Variants in PXK observed in about 807,000 individuals in gnomAD.
PXK encodes the protein PX domain-containing protein kinase-like protein.
In PXK, 35 loss-of-function variants were observed where a neutral mutation model predicts 84.7. That is an observed-to-expected ratio of 0.41 (90% CI 0.32 to 0.55). PXK has a LOEUF of 0.55. PXK is among the 20% of genes least tolerant of loss of function. The pLI is 0.21. For synonymous variants in PXK, 253 were observed against 260.8 expected, an observed-to-expected ratio of 0.97 and a Z score of 0.29; for missense variants, 634 against 699.7, an observed-to-expected ratio of 0.91 and a Z score of 1.06.
At chr3:58,357,771 G>A (rs2098116565) in intron 1 of PXK, among the ~76,000 whole-genome samples, 1 of 152,142 alleles carries the variant, frequency 6.6e-6, no homozygotes, top group African/African-American at 2.4e-5. Context: ...CAAACATGGT[G>A]AAACCCCATC....
At chr3:58,345,279 C>T (rs1356993174) in intron 1 of PXK, among the ~76,000 whole-genome samples, 1 of 152,102 alleles carries the variant, frequency 6.6e-6, no homozygotes, top group Non-Finnish European at 1.5e-5. Flanking sequence ...ATCAGTATGC[C>T]TCAGCCTTTT....
At chr3:58,371,880 T>TA (rs1184117136) in intron 3 of PXK, among the ~76,000 whole-genome samples, 1 of 152,168 alleles carries the variant, frequency 6.6e-6, no homozygotes, top group African/African-American at 2.4e-5. Flanking sequence ...AGAAAGCACA[T>TA]ACAGCTTTTT....
intron 1 of PXK, among the ~76,000 whole-genome samples, chr3:58,338,561 T>C (rs2097666274): frequency 6.6e-6 from 1 of 151,862 alleles, no homozygotes; most frequent in Admixed American, 6.6e-5. Flanking sequence ...AGGTGACGGT[T>C]GCAGTGAGCC....
At chr3:58,422,471 A>ACTGGAGCC in intron 17 of PXK, 1 of 985,424 alleles carries the variant, frequency 1.0e-6, no homozygotes, top group Non-Finnish European at 1.2e-6. Context: ...CATCTGCTTT[A>ACTGGAGCC]CTGGAGCCCT....
chr3:58,395,971 C>T (rs1188452921), intron 9 of PXK, among the ~76,000 whole-genome samples: 1 of 152,194 alleles, frequency 6.6e-6, no homozygotes, highest in Non-Finnish European at 1.5e-5. Context: ...TTAGCTATTG[C>T]AATTTAGTGT....
chr3:58,346,984 G>T (rs918162772), intron 1 of PXK, among the ~76,000 whole-genome samples: 1 of 152,082 alleles, frequency 6.6e-6, no homozygotes, highest in African/African-American at 2.4e-5. Context: ...GACTACAGGC[G>T]CGTGCCACCA....
intron 1 of PXK, among the ~76,000 whole-genome samples, chr3:58,346,534 G>A (rs748951439): frequency 6.6e-6 from 1 of 152,088 alleles, no homozygotes; most frequent in Non-Finnish European, 1.5e-5. Context: ...AGTCTGTTTG[G>A]TTTTAGACAC....
At chr3:58,347,986 T>G (rs189268155) in intron 1 of PXK, among the ~76,000 whole-genome samples, 1 of 152,152 alleles carries the variant, frequency 6.6e-6, no homozygotes, top group East Asian at 1.9e-4. Context: ...TGAAGTTGGC[T>G]CACCGCAACC....
At chr3:58,381,210 C>G (rs1350944968) in intron 3 of PXK, among the ~76,000 whole-genome samples, 2 of 146,592 alleles carry the variant, frequency 1.4e-5, no homozygotes, top group African/African-American at 2.6e-5. Context: ...GATCACGCCA[C>G]TGCACTCCAG....
intron 3 of PXK, among the ~76,000 whole-genome samples, chr3:58,375,880 T>C (rs917399708): frequency 4.6e-5 from 7 of 152,222 alleles, no homozygotes; most frequent in Admixed American, 3.3e-4. Context: ...TCTGGATTCT[T>C]TAATTACATT....
chr3:58,400,777 A>G lies in PXK; in HGVS notation c.1181+1400A>G, dbSNP rs186974660. ...AGAAAATATAAAAAATTAGCTGGGC[A>G]TGGTGGCACACTCCTGTAATCCCAG... On this transcript the variant is annotated intron_variant, in intron 12 of 17. Coordinates refer to ENST00000356151, the MANE Select transcript of PXK (RefSeq NM_017771.5). This position sits in a 1 kb window ranked among gnomAD's most constrained non-coding sequence, Gnocchi z 4.0. Among the ~76,000 whole-genome samples the G allele has an allele frequency of 1.5e-4, 23 of 152,206 alleles. No homozygotes were observed. The East Asian group carries it at 3.7e-3, about 24-fold the overall frequency.
chr3:58,369,617 G>A, intron 3 of PXK, 139 bp downstream of exon 3: 1 of 610,810 alleles, frequency 1.6e-6, no homozygotes, highest in South Asian at 2.0e-5. Flanking sequence ...CCTGAGGTCA[G>A]GCGTTCAAGA....
In PXK at chr3:58,421,096, A is replaced by G. The variant is rs1055233159; in HGVS notation, c.1529-3656A>G. 1.0e-6 allele frequency: 1 copy of G among 992,730 alleles called. No individual in the cohort carries two copies. Among genetic ancestry groups the G allele is most frequent in the Non-Finnish European group, 1.2e-6 (1 of 835,044 alleles). 61.5% of individuals were successfully genotyped at this position (992,730 alleles called of 1,614,324 possible). On this transcript the variant is annotated intron_variant, in intron 17 of 17. Coordinates refer to ENST00000356151, the MANE Select transcript of PXK (RefSeq NM_017771.5). This position sits in a 1 kb window ranked among gnomAD's most constrained non-coding sequence, Gnocchi z 5.5. The stretch of plus-strand genomic sequence containing the variant: ...CCTCACCTGCCTGAAGCCAAAGGAG[A>G]AGGTGGTTCTCCCGAGAGCTGGGGG...
intron 1 of PXK, among the ~76,000 whole-genome samples, chr3:58,344,542 G>A (rs182860440): frequency 1.2e-3 from 179 of 152,294 alleles, no homozygotes; most frequent in African/African-American, 3.3e-3. Flanking sequence ...ACAAGTGGTC[G>A]GCTGGGCACA....
At position 58,354,855 on chromosome 3, in the gene PXK, C is replaced by G. The variant is rs115964019; in HGVS notation, c.103-11019C>G. On this transcript the variant is annotated intron_variant, in intron 1 of 17. Transcript: ENST00000356151. ...GGCCAGGTGTGGTGGCAGTGGCTCG[C>G]GCTTGTAATCCCAACACTTTTGGAG... Among the ~76,000 whole-genome samples, 81 of 152,116 alleles carry G rather than the reference C, an allele frequency of 5.3e-4. 1 individual carries two copies. The highest frequency in any genetic ancestry group is 1.7e-3 in the Admixed American group (26 of 15,274).
chr3:58,424,341 A>T (rs1269213277), intron 17 of PXK, among the ~76,000 whole-genome samples: 1 of 152,200 alleles, frequency 6.6e-6, no homozygotes, highest in African/African-American at 2.4e-5. Context: ...CAACTCCATC[A>T]TGCAGATGTC....
chr3:58,407,480 T>A lies in PXK; in HGVS notation c.1231-1444T>A, dbSNP rs1169409640. ...TTATCAGACCTATGATTTGCAAATA[T>A]TGTGTCCCATTTCTTGAGTTGTCTT... On this transcript the variant is annotated intron_variant, in intron 13 of 17. Transcript: ENST00000356151. This position sits in a 1 kb window ranked among gnomAD's most constrained non-coding sequence, Gnocchi z 4.3. Among the ~76,000 whole-genome samples, 1 of 149,756 alleles carries A rather than the reference T, an allele frequency of 6.7e-6. No individual in the cohort carries two copies. The highest frequency in any genetic ancestry group is 1.5e-5 in the Non-Finnish European group (1 of 67,038).
chr3:58,408,912 C>G lies in PXK; in HGVS notation c.1231-12C>G. 1 of 1,546,084 alleles carries G rather than the reference C, an allele frequency of 6.5e-7. No homozygotes were observed. The highest frequency in any genetic ancestry group is 1.1e-5 in the South Asian group (1 of 89,462). ...CTTTTTCAATAGATGATGTACTTTTCTCTCCTTTCAGATCCCTACAAAGTT... is the reference window on the plus strand; with the variant it reads ...CTTTTTCAATAGATGATGTACTTTTGTCTCCTTTCAGATCCCTACAAAGTT... On this transcript the variant is annotated splice_polypyrimidine_tract_variant and intron_variant, in intron 13 of 17. Coordinates refer to ENST00000356151, the MANE Select transcript of PXK (RefSeq NM_017771.5).
chr3:58,412,413 C>A lies in PXK; in HGVS notation c.1466-488C>A, dbSNP rs78756518. Among the ~76,000 whole-genome samples the A allele has an allele frequency of 9.1e-4, 139 of 151,952 alleles. No individual in the cohort carries two copies. The highest frequency in any genetic ancestry group is 3.3e-3 in the African/African-American group (135 of 41,424). On this transcript the variant is annotated intron_variant, in intron 16 of 17. Transcript: ENST00000356151. The surrounding 1 kb of genome is among the most constrained non-coding windows in gnomAD (Gnocchi z 6.2). ...AAATCCATAAACTGAATAGACTGAC[C>A]CTATCTAGTTGATTCTACCTGCTGA...
Sources: gnomAD v4.1 joint callset for allele counts (sites outside exome capture counted in the v4.1 genomes callset) on GRCh38, gnomAD v4.1.1 for gene constraint, Gnocchi (gnomAD v3.1) non-coding constraint, MANE v1.5 for transcripts, NCBI Gene and HGNC (gene_info 2026-07-23, HGNC 2026-07-21) for gene names.